The following STXBP5L variants were observed in gnomAD, a reference collection of about 807,000 sequenced individuals.
STXBP5L encodes the protein syntaxin-binding protein 5-like.
STXBP5L carries 65 observed loss-of-function variants against 144.5 expected under a neutral mutation model. That is an observed-to-expected ratio of 0.45 (90% CI 0.37 to 0.55). The LOEUF (loss-of-function observed/expected upper bound fraction) is 0.55. Ranked by LOEUF, STXBP5L falls within the 20% of genes least tolerant of loss-of-function variation. STXBP5L has a pLI of 0.00. For synonymous variants in STXBP5L, 505 were observed against 469.6 expected (o/e 1.08, Z -0.97); for missense variants, 1,298 against 1,405.5 (o/e 0.92, Z 1.22).
chr3:121,056,002 A>C (rs1948435343), intron 5 of STXBP5L, among the ~76,000 whole-genome samples: 1 of 151,656 alleles, frequency 6.6e-6, no homozygotes. Context: ...CTGGGGTCTC[A>C]CTGTGTTGCC....
rs189094091 is a variant in STXBP5L at position 120,949,540 on chromosome 3, T to C, written c.190-5400T>C. Among the ~76,000 whole-genome samples, 425 of 152,250 alleles carry C rather than the reference T, an allele frequency of 2.8e-3. 5 individuals are homozygous for C. The highest frequency in any genetic ancestry group is 9.2e-3 in the African/African-American group (384 of 41,554). On this transcript the variant is annotated intron_variant, in intron 2 of 26. Transcript: ENST00000471454. ...CCAATGTTATCTTCTAGGATTTTTA[T>C]GGTTTCAGGTTTTAGATTTAAGACT...
At chr3:121,341,766 A>G (rs1030769880) in intron 20 of STXBP5L, among the ~76,000 whole-genome samples, 6 of 152,278 alleles carry the variant, frequency 3.9e-5, no homozygotes, top group African/African-American at 1.2e-4. Flanking sequence ...CAGACACAGA[A>G]AGACAAACAA....
chr3:121,008,571 C>A (rs943275994), intron 3 of STXBP5L, among the ~76,000 whole-genome samples: 2 of 151,966 alleles, frequency 1.3e-5, no homozygotes, highest in East Asian at 1.9e-4. Flanking sequence ...AAGTATTAAT[C>A]CTCATCTTGA....
chr3:121,121,099 C>T (rs1010470730), intron 6 of STXBP5L, among the ~76,000 whole-genome samples: 2 of 151,010 alleles, frequency 1.3e-5, no homozygotes, highest in African/African-American at 4.8e-5. Context: ...GTGGTATAAC[C>T]AATGAACTAG....
intron 11 of STXBP5L, among the ~76,000 whole-genome samples, chr3:121,226,712 G>A (rs971533343): frequency 3.3e-5 from 5 of 152,114 alleles, no homozygotes; most frequent in Admixed American, 3.3e-4. Context: ...CAAATAACAA[G>A]GACTTTAGGG....
intron 10 of STXBP5L, among the ~76,000 whole-genome samples, chr3:121,214,345 A>G (rs2048695480): frequency 6.6e-6 from 1 of 152,182 alleles, no homozygotes; most frequent in Non-Finnish European, 1.5e-5. Flanking sequence ...GTGGGCATTT[A>G]GTGCTATAAA....
intron 3 of STXBP5L, among the ~76,000 whole-genome samples, chr3:120,961,435 C>T (rs577126379): frequency 1.3e-5 from 2 of 152,150 alleles, no homozygotes; most frequent in South Asian, 4.2e-4. Flanking sequence ...CCCTCGTCCC[C>T]CAACGAGGCC....
chr3:121,050,571 G>C (rs1257878812), intron 5 of STXBP5L, among the ~76,000 whole-genome samples: 1 of 152,076 alleles, frequency 6.6e-6, no homozygotes, highest in Non-Finnish European at 1.5e-5. Context: ...CCCTAAAAGA[G>C]CTCCTGAAGG....
chr3:120,974,682 C>G (rs890476456), intron 3 of STXBP5L, among the ~76,000 whole-genome samples: 1 of 152,084 alleles, frequency 6.6e-6, no homozygotes, highest in Non-Finnish European at 1.5e-5. Context: ...TTAGGTCTGA[C>G]GTTTAAGTCT....
chr3:120,998,500 T>G (rs1943528039), intron 3 of STXBP5L, among the ~76,000 whole-genome samples: 1 of 152,096 alleles, frequency 6.6e-6, no homozygotes, highest in Non-Finnish European at 1.5e-5. Context: ...ATCATCTACA[T>G]TAGGTATTTC....
chr3:121,258,033 T>A (rs1389908241), intron 17 of STXBP5L, among the ~76,000 whole-genome samples: 1 of 152,152 alleles, frequency 6.6e-6, no homozygotes, highest in Admixed American at 6.6e-5. Context: ...GAGTTCTATA[T>A]TAGAAAAAAG....
chr3:120,934,872 T>G (rs954036530), intron 2 of STXBP5L, among the ~76,000 whole-genome samples: 4 of 152,042 alleles, frequency 2.6e-5, no homozygotes, highest in Admixed American at 6.6e-5. Context: ...TTAGTTTTAA[T>G]CAGTCTGTGT....
chr3:121,203,265 T>G (rs1361928258), intron 9 of STXBP5L, among the ~76,000 whole-genome samples: 1 of 152,152 alleles, frequency 6.6e-6, no homozygotes, highest in African/African-American at 2.4e-5. Context: ...AGATTGCCAT[T>G]GATTGGCTAT....
At chr3:120,925,999 T>G (rs1215609954) in intron 2 of STXBP5L, among the ~76,000 whole-genome samples, 2 of 152,200 alleles carry the variant, frequency 1.3e-5, no homozygotes, top group Admixed American at 6.5e-5. Context: ...TCCATTTATG[T>G]TTTTAATTGC....
chr3:120,968,791 C>T (rs1939896376), intron 3 of STXBP5L, among the ~76,000 whole-genome samples: 1 of 152,098 alleles, frequency 6.6e-6, no homozygotes, highest in South Asian at 2.1e-4. Flanking sequence ...TCACTTAAAA[C>T]ATATGATATT....
intron 7 of STXBP5L, among the ~76,000 whole-genome samples, chr3:121,126,650 CCTTT>C (rs937646798): frequency 6.6e-6 from 1 of 152,086 alleles, no homozygotes; most frequent in Non-Finnish European, 1.5e-5. Context: ...AAAATAACTT[CCTTT>C]GAGGGCACTT....
intron 20 of STXBP5L, among the ~76,000 whole-genome samples, chr3:121,371,222 G>T (rs1193392556): frequency 6.6e-6 from 1 of 152,172 alleles, no homozygotes; most frequent in Non-Finnish European, 1.5e-5. Context: ...GGGTTTGATT[G>T]TGGTATAATA....
intron 9 of STXBP5L, among the ~76,000 whole-genome samples, chr3:121,197,555 T>C (rs1577186034): frequency 6.6e-6 from 1 of 152,154 alleles, no homozygotes; most frequent in Non-Finnish European, 1.5e-5. Flanking sequence ...GTTACATAGG[T>C]ATACATGTGC....
At chr3:121,262,504 C>T (rs1323571618) in intron 18 of STXBP5L, among the ~76,000 whole-genome samples, 1 of 152,122 alleles carries the variant, frequency 6.6e-6, no homozygotes, top group Non-Finnish European at 1.5e-5. Flanking sequence ...ATGGCACGTG[C>T]CTGTAATCCC....
Sources: allele counts gnomAD v4.1 joint callset (sites outside exome capture counted in the v4.1 genomes callset), GRCh38; gene constraint gnomAD v4.1.1; transcripts MANE v1.5; gene names NCBI Gene and HGNC (gene_info 2026-07-23, HGNC 2026-07-21).